The following SORCS1 variants were observed in gnomAD, a reference collection of about 807,000 sequenced individuals.
SORCS1 encodes sortilin related VPS10 domain containing receptor 1.
Under a neutral mutation model 146.1 loss-of-function variants are expected in SORCS1, and 60 were observed. The observed-to-expected ratio is 0.41, with a 90% CI of 0.33 to 0.51. SORCS1 has a LOEUF of 0.51. Among genes scored for constraint, SORCS1 ranks in the 20% least tolerant of loss-of-function variants. The pLI, the probability that SORCS1 is intolerant of heterozygous loss-of-function variation, is 0.21. For missense variants in SORCS1, 1,352 were observed against 1,487.6 expected, an observed-to-expected ratio of 0.91 and a Z score of 1.50; for synonymous variants, 637 against 584.0, an observed-to-expected ratio of 1.09 and a Z score of -1.31.
Position 107,153,386 on chromosome 10 carries a change from T to C in SORCS1, c.558+10583A>G, listed in dbSNP as rs957677288. ...TTATGTATATATTTATATGTACTTA[T>C]ATGATATGCAGATGGAGACCAAAAT... On this transcript the variant is annotated intron_variant, in intron 1 of 25. Transcript: ENST00000263054. Among the ~76,000 whole-genome samples the C allele has an allele frequency of 1.3e-4, 20 of 152,230 alleles. 1 individual carries two copies. Among genetic ancestry groups the C allele is most frequent in the Admixed American group, 1.2e-3 (19 of 15,282 alleles).
At chr10:106,629,670 T>G (rs543988148) in intron 18 of SORCS1, among the ~76,000 whole-genome samples, 5 of 152,340 alleles carry the variant, frequency 3.3e-5, no homozygotes. Context: ...AGCTGCAATG[T>G]GATATTCAAT....
At chr10:106,881,076 C>CAAAAAAAAAAAAAAAAAAAAAAA (rs59128024) in intron 2 of SORCS1, among the ~76,000 whole-genome samples, 1 of 69,168 alleles carries the variant, frequency 1.4e-5, no homozygotes, top group Non-Finnish European at 2.7e-5. Context: ...GACTCTGTCT[C>CAAAAAAAAAAAAAAAAAAAAAAA]AAAAAAAAAA....
Position 106,611,936 on chromosome 10 carries a change from C to T in SORCS1, c.3008G>A (p.Arg1003Gln), listed in dbSNP as rs759255280. 3.7e-6 allele frequency: 6 copies of T among 1,613,888 alleles called. No homozygotes were observed. Among genetic ancestry groups the T allele is most frequent in the Non-Finnish European group, 4.2e-6 (5 of 1,179,936 alleles). Residue 1003 changes from arginine (R) to glutamine (Q), a missense_variant, in exon 22 of 26, where the codon CGA (arginine) becomes CAA (glutamine). Physicochemically the swap from Arg to Gln is conservative, Grantham distance 43. Around this residue, in one of 3 missense-constraint regions of SORCS1, gnomAD observed 214 missense variants for 204.8 expected, o/e 1.05. Coordinates refer to ENST00000263054, the MANE Select transcript of SORCS1 (RefSeq NM_052918.5). ...TTCCACCAGGGATTTTTTGATGACTCGACCGATGTCCCTCCTCCACTCAGG... is the reference window on the plus strand; with the variant it reads ...TTCCACCAGGGATTTTTTGATGACTTGACCGATGTCCCTCCTCCACTCAGG... ...DIPEWRRDIG[R>Q]VIKKSLVEAT...
chr10:107,157,943 C>CAGTATTTTT (rs1226953078), intron 1 of SORCS1, among the ~76,000 whole-genome samples: 1 of 152,156 alleles, frequency 6.6e-6, no homozygotes, highest in African/African-American at 2.4e-5. Context: ...ACCTTTTAGC[C>CAGTATTTTT]ACAAAATAAG....
intron 5 of SORCS1, among the ~76,000 whole-genome samples, chr10:106,739,733 C>T (rs865836050): frequency 1.3e-4 from 19 of 151,836 alleles, no homozygotes; most frequent in African/African-American, 2.7e-4. Context: ...GGGCAGATCA[C>T]GAGGTCAGGA....
At position 107,140,918 on chromosome 10, in the gene SORCS1, G is replaced by A. The variant is rs187960431; in HGVS notation, c.558+23051C>T. ...GTCCAATATTTCCCGACTGGTAAAC[G>A]GCAGAACCAGGAATTCAAACCCAGT... On this transcript the variant is annotated intron_variant, in intron 1 of 25. Coordinates refer to ENST00000263054, the MANE Select transcript of SORCS1 (RefSeq NM_052918.5). Among the ~76,000 whole-genome samples the A allele has an allele frequency of 5.3e-5, 8 of 152,220 alleles. No homozygotes were observed. The East Asian group carries it at 1.2e-3, about 22-fold the overall frequency.
chr10:106,985,629 C>T (rs967676519), intron 1 of SORCS1, among the ~76,000 whole-genome samples: 11 of 151,528 alleles, frequency 7.3e-5, no homozygotes, highest in African/African-American at 2.2e-4. Flanking sequence ...TCTAACTTCC[C>T]GGGTTCAAGC....
At chr10:107,143,376 G>A (rs1216122313) in intron 1 of SORCS1, among the ~76,000 whole-genome samples, 3 of 152,146 alleles carry the variant, frequency 2.0e-5, no homozygotes, top group Non-Finnish European at 4.4e-5. Flanking sequence ...CGCACAGGCT[G>A]GACTGCAGTG....
rs1554875441 is a variant in SORCS1 at position 106,602,536 on chromosome 10, C to CACACACACACACAG, written c.3165+4629_3165+4630insCTGTGTGTGTGTGT. Among the ~76,000 whole-genome samples the CACACACACACACAG allele has an allele frequency of 1.1e-3, 162 of 151,294 alleles. 1 individual carries two copies. Among genetic ancestry groups the CACACACACACACAG allele is most frequent in the African/African-American group, 3.9e-3 (161 of 40,972 alleles). ...TAACACACACACACACACACACACA[C>CACACACACACACAG]ACACACACACACACAAACACACACA... On this transcript the variant is annotated intron_variant, in intron 23 of 25. Transcript: ENST00000263054.
intron 1 of SORCS1, among the ~76,000 whole-genome samples, chr10:106,991,089 C>G (rs1165428524): frequency 6.6e-6 from 1 of 152,162 alleles, no homozygotes; most frequent in African/African-American, 2.4e-5. Flanking sequence ...CTGACTTATG[C>G]TTATGTTCAC....
chr10:106,659,197 C>T (rs565121958), intron 17 of SORCS1, among the ~76,000 whole-genome samples: 2 of 152,300 alleles, frequency 1.3e-5, no homozygotes, highest in East Asian at 3.9e-4. Context: ...CTATTCCCCT[C>T]AATGGAGTAA....
chr10:106,797,167 T>G (rs918788317), intron 3 of SORCS1, among the ~76,000 whole-genome samples: 1 of 152,108 alleles, frequency 6.6e-6, no homozygotes, highest in African/African-American at 2.4e-5. Context: ...TAACAACCAC[T>G]TTTTTACTTA....
chr10:106,940,276 T>G (rs1953968914), intron 2 of SORCS1, among the ~76,000 whole-genome samples: 1 of 152,254 alleles, frequency 6.6e-6, no homozygotes, highest in Non-Finnish European at 1.5e-5. Context: ...ATGCTTTATA[T>G]GAATTAAACC....
At chr10:107,078,343 A>G (rs571090903) in intron 1 of SORCS1, among the ~76,000 whole-genome samples, 78 of 152,360 alleles carry the variant, frequency 5.1e-4, no homozygotes, top group African/African-American at 1.8e-3. Flanking sequence ...AATTTAGCCT[A>G]GTTCTAGCTC....
rs544022261 is a variant in SORCS1 at position 106,622,600 on chromosome 10, T to C, written c.2663-2039A>G. Among the ~76,000 whole-genome samples, 8 of 152,350 alleles carry C rather than the reference T, an allele frequency of 5.3e-5. No homozygotes were observed. The East Asian group carries it at 1.2e-3, about 22-fold the overall frequency. ...AGAATCAAACTGATCTTCTGGCCTA[T>C]AAAGCATATGTTGAGAAGCAGTTGA... On this transcript the variant is annotated intron_variant, in intron 19 of 25. Transcript: ENST00000263054.
chr10:106,912,279 A>G (rs1042587556), intron 2 of SORCS1, among the ~76,000 whole-genome samples: 2 of 152,206 alleles, frequency 1.3e-5, no homozygotes, highest in South Asian at 2.1e-4. Context: ...GCCAAATCCC[A>G]TAAGTCAGAA....
intron 10 of SORCS1, among the ~76,000 whole-genome samples, chr10:106,685,656 C>G (rs1484964128): frequency 6.6e-6 from 1 of 152,010 alleles, no homozygotes; most frequent in Admixed American, 6.6e-5. Flanking sequence ...AGAAACACCC[C>G]CTCCTCCACT....
chr10:106,739,721 T>G (rs1323376270), intron 5 of SORCS1, among the ~76,000 whole-genome samples: 1 of 151,170 alleles, frequency 6.6e-6, no homozygotes, highest in Non-Finnish European at 1.5e-5. Context: ...GGAGGCCGAG[T>G]CGGGCAGATC....
At chr10:106,664,505 G>A (rs1850980113) in intron 17 of SORCS1, among the ~76,000 whole-genome samples, 1 of 152,100 alleles carries the variant, frequency 6.6e-6, no homozygotes, top group African/African-American at 2.4e-5. Flanking sequence ...AGCTGGGCTT[G>A]GTGGCGGGTG....
Sources: allele counts gnomAD v4.1 joint callset (sites outside exome capture counted in the v4.1 genomes callset), GRCh38; gene constraint gnomAD v4.1.1; regional missense constraint gnomAD v4.1.1; transcripts MANE v1.5; gene names NCBI Gene and HGNC (gene_info 2026-07-23, HGNC 2026-07-21).